The following SENP7 variants were observed in gnomAD, a reference collection of about 807,000 sequenced individuals.
SENP7 encodes sentrin-specific protease 7.
Under a neutral mutation model 141.2 loss-of-function variants are expected in SENP7, and 64 were observed. That is an observed-to-expected ratio of 0.45 (90% CI 0.37 to 0.56). The LOEUF (loss-of-function observed/expected upper bound fraction) is 0.56, where lower values mean the gene tolerates loss of function less well. Ranked by LOEUF, SENP7 falls within the 20% of genes least tolerant of loss-of-function variation. The probability of loss-of-function intolerance (pLI) is 0.00; values close to 1 mark genes in which losing one functional copy is unlikely to be tolerated. For missense variants in SENP7, 1,025 were observed against 1,212.2 expected, an observed-to-expected ratio of 0.85 and a Z score of 2.29; for synonymous variants, 382 against 426.4, an observed-to-expected ratio of 0.90 and a Z score of 1.28.
chr3:101,369,928 A>G (rs1433306672), intron 7 of SENP7, among the ~76,000 whole-genome samples: 1 of 152,200 alleles, frequency 6.6e-6, no homozygotes, highest in Non-Finnish European at 1.5e-5. Context: ...AAGTATTTCC[A>G]AGGTATTATG....
chr3:101,344,991 C>CAA lies in SENP7; in HGVS notation c.1838-1039_1838-1038dup, dbSNP rs71132568. 8.0e-3 allele frequency among the ~76,000 whole-genome samples: 493 copies of CAA among 61,348 alleles called. 10 individuals are homozygous for CAA. Among genetic ancestry groups the CAA allele is most frequent in the African/African-American group, 0.032 (478 of 14,968 alleles). The allele number at this position is 61,348 out of a possible 152,430, so 40.2% of individuals were successfully genotyped here. A position where few individuals can be genotyped will look rare whatever the true frequency, so the allele number is the denominator to read the frequency against. The stretch of plus-strand genomic sequence containing the variant: ...AGCCCATCTCTAGAAAAAAAGAAAG[C>CAA]AAAAAAAAAAAAAAAAAAAAAAAAA... On this transcript the variant is annotated intron_variant, in intron 13 of 23. Transcript: ENST00000394095.
chr3:101,510,751 G>A (rs2065818986), intron 1 of SENP7, among the ~76,000 whole-genome samples: 1 of 148,608 alleles, frequency 6.7e-6, no homozygotes, highest in Non-Finnish European at 1.5e-5. Context: ...TGCTAGGGAG[G>A]CTGAGGCAGA....
chr3:101,442,833 T>C (rs1254730110), intron 4 of SENP7, among the ~76,000 whole-genome samples: 1 of 150,316 alleles, frequency 6.7e-6, no homozygotes, highest in Non-Finnish European at 1.5e-5. Flanking sequence ...TCTTTTGAAA[T>C]GAACCAGTCA....
chr3:101,486,514 T>C (rs2064736398), intron 3 of SENP7, among the ~76,000 whole-genome samples: 1 of 152,154 alleles, frequency 6.6e-6, no homozygotes, highest in Non-Finnish European at 1.5e-5. Flanking sequence ...GTAAGTATCA[T>C]TTATGAAGGA....
chr3:101,412,834 A>C (rs1011127589), intron 5 of SENP7, among the ~76,000 whole-genome samples: 33 of 152,140 alleles, frequency 2.2e-4, no homozygotes, highest in African/African-American at 8.0e-4. Context: ...TGGAGATAAA[A>C]CTAACACTAA....
chr3:101,421,582 T>A (rs145743550), intron 4 of SENP7, among the ~76,000 whole-genome samples: 3 of 152,342 alleles, frequency 2.0e-5, no homozygotes, highest in Non-Finnish European at 4.4e-5. Flanking sequence ...AGAATTTATA[T>A]TGGAAAATAA....
chr3:101,414,305 G>GTC, intron 5 of SENP7: 2 of 740,246 alleles, frequency 2.7e-6, no homozygotes, highest in Non-Finnish European at 4.9e-6. Context: ...AAGATGCAGG[G>GTC]TCTCATGTTC....
At chr3:101,461,133 A>T (rs573620747) in intron 3 of SENP7, among the ~76,000 whole-genome samples, 2 of 152,218 alleles carry the variant, frequency 1.3e-5, no homozygotes, top group South Asian at 4.2e-4. Flanking sequence ...CAAAGAAGTG[A>T]AAGATCTCCA....
At chr3:101,365,298 C>T (rs2060006811) in intron 9 of SENP7, among the ~76,000 whole-genome samples, 4 of 151,782 alleles carry the variant, frequency 2.6e-5, no homozygotes, top group Admixed American at 2.6e-4. Context: ...TCACTGCACC[C>T]AGACGAAAAA....
chr3:101,422,124 G>A (rs2061809072), intron 4 of SENP7, among the ~76,000 whole-genome samples: 1 of 152,134 alleles, frequency 6.6e-6, no homozygotes, highest in Non-Finnish European at 1.5e-5. Context: ...TCGCATAGGA[G>A]CACGAACCCT....
rs372853622 is a variant in SENP7, at chr3:101,458,946, A to G, written c.284+9T>C. 30 of 1,547,464 alleles carry G rather than the reference A, an allele frequency of 1.9e-5. No individual in the cohort carries two copies. Among genetic ancestry groups the G allele is most frequent in the Non-Finnish European group, 2.2e-5 (25 of 1,123,148 alleles). On this transcript the variant is annotated intron_variant, in intron 4 of 23. Transcript: ENST00000394095. ...AGCCCATACTATGTCGCACACACAC[A>G]TATCTTACCTTTCTGGTGATGACTT...
chr3:101,447,357 A>G (rs1258370077), intron 4 of SENP7, among the ~76,000 whole-genome samples: 1 of 152,170 alleles, frequency 6.6e-6, no homozygotes, highest in Admixed American at 6.6e-5. Flanking sequence ...AATGAGGATC[A>G]CTTAAGCCCA....
chr3:101,342,868 G>A (rs1206282022), intron 14 of SENP7, among the ~76,000 whole-genome samples: 6 of 152,070 alleles, frequency 3.9e-5, no homozygotes, highest in Non-Finnish European at 5.9e-5. Context: ...ATTTCACCAT[G>A]TTGGCCAAGA....
chr3:101,493,779 G>T, intron 3 of SENP7, 94 bp downstream of exon 3: 1 of 706,982 alleles, frequency 1.4e-6, no homozygotes, highest in Non-Finnish European at 2.3e-6. Flanking sequence ...CCAAAAAAGG[G>T]ACATATCAGA....
intron 4 of SENP7, among the ~76,000 whole-genome samples, chr3:101,441,170 T>C (rs2062656194): frequency 6.6e-6 from 1 of 152,132 alleles, no homozygotes; most frequent in Non-Finnish European, 1.5e-5. Context: ...ACATGTACAG[T>C]ACAGGGCCTG....
At chr3:101,469,132 G>A (rs2063877700) in intron 3 of SENP7, among the ~76,000 whole-genome samples, 1 of 152,128 alleles carries the variant, frequency 6.6e-6, no homozygotes, top group East Asian at 1.9e-4. Context: ...TTACATAATG[G>A]TAAAGGGATC....
chr3:101,486,822 G>A (rs2064749345), intron 3 of SENP7, among the ~76,000 whole-genome samples: 1 of 152,164 alleles, frequency 6.6e-6, no homozygotes, highest in East Asian at 1.9e-4. Flanking sequence ...AAAAGATACA[G>A]AACTGCAGAA....
intron 4 of SENP7, among the ~76,000 whole-genome samples, chr3:101,438,274 A>G (rs148106125): frequency 1.2e-4 from 18 of 152,378 alleles, no homozygotes; most frequent in African/African-American, 4.3e-4. Flanking sequence ...AAAATCTGGC[A>G]TATTCTACAA....
chr3:101,411,999 G>A (rs992293627), intron 5 of SENP7, among the ~76,000 whole-genome samples: 3 of 151,976 alleles, frequency 2.0e-5, no homozygotes, highest in African/African-American at 7.2e-5. Context: ...TTTCTCAATT[G>A]CAAACTACAG....
Sources: allele counts gnomAD v4.1 joint callset (sites outside exome capture counted in the v4.1 genomes callset), GRCh38; gene constraint gnomAD v4.1.1; transcripts MANE v1.5; gene names NCBI Gene and HGNC (gene_info 2026-07-23, HGNC 2026-07-21).